The following PCDHGA2 variants were observed in gnomAD, a reference collection of about 807,000 sequenced individuals.
PCDHGA2 encodes protocadherin gamma-A2.
PCDHGA2 carries 40 observed loss-of-function variants against 59.2 expected under a neutral mutation model. That is an observed-to-expected ratio of 0.68 (90% CI 0.52 to 0.88). The LOEUF (loss-of-function observed/expected upper bound fraction) is 0.88. Ranked by LOEUF, PCDHGA2 falls within the 40% of genes least tolerant of loss-of-function variation. PCDHGA2 has a pLI of 0.00. For missense variants in PCDHGA2, 1,226 were observed against 1,204.0 expected (o/e 1.02, Z -0.27); for synonymous variants, 560 against 526.0 (o/e 1.06, Z -0.89).
At chr5:141,421,535 G>GT (rs975619932) in intron 1 of PCDHGA2, 8 of 1,614,032 alleles carry the variant, frequency 5.0e-6, no homozygotes, top group Non-Finnish European at 6.8e-6. Flanking sequence ...GTGTCCTCCT[G>GT]TTTTTTAAAT....
intron 1 of PCDHGA2, chr5:141,415,794 A>G: frequency 1.5e-6 from 2 of 1,366,408 alleles, no homozygotes; most frequent in Non-Finnish European, 1.9e-6. Context: ...AAATTCACCT[A>G]GTCTCAATCA....
At chr5:141,385,137 G>A in intron 1 of PCDHGA2, 1 of 1,614,232 alleles carries the variant, frequency 6.2e-7, no homozygotes, top group Non-Finnish European at 8.5e-7. Context: ...TGGACGGGGT[G>A]CAGGCTTTCC....
At chr5:141,455,583 A>G (rs1485134189) in intron 1 of PCDHGA2, among the ~76,000 whole-genome samples, 4 of 152,144 alleles carry the variant, frequency 2.6e-5, no homozygotes, top group Non-Finnish European at 2.9e-5. Context: ...CCAGCCTTTT[A>G]ATATGCAAAC....
intron 1 of PCDHGA2, chr5:141,415,347 C>T (rs1369709460): frequency 1.9e-6 from 3 of 1,614,120 alleles, no homozygotes; most frequent in Non-Finnish European, 2.5e-6. Context: ...GGCGCTGGCA[C>T]AAGTCACGCC....
intron 1 of PCDHGA2, among the ~76,000 whole-genome samples, chr5:141,347,268 C>T (rs1757943776): frequency 2.6e-5 from 4 of 151,850 alleles, no homozygotes; most frequent in Admixed American, 2.6e-4. Context: ...ATCCTCCCAC[C>T]TCAGCCTCCC....
chr5:141,501,475 G>A (rs1305778190), intron 2 of PCDHGA2, among the ~76,000 whole-genome samples: 5 of 152,014 alleles, frequency 3.3e-5, no homozygotes, highest in Admixed American at 3.3e-4. Flanking sequence ...AATCCTGGAA[G>A]AGTCCCTCAT....
intron 1 of PCDHGA2, chr5:141,361,248 G>T (rs376049174): frequency 6.2e-7 from 1 of 1,613,958 alleles, no homozygotes; most frequent in Non-Finnish European, 8.5e-7. Flanking sequence ...TGATAAAAAC[G>T]AGAGACAGAG....
chr5:141,470,828 C>A (rs1328067769), intron 1 of PCDHGA2, among the ~76,000 whole-genome samples: 1 of 151,994 alleles, frequency 6.6e-6, no homozygotes, highest in Non-Finnish European at 1.5e-5. Flanking sequence ...GTTAGGACGA[C>A]AAACACACGC....
intron 1 of PCDHGA2, chr5:141,366,561 A>G (rs903477065): frequency 3.1e-6 from 5 of 1,614,210 alleles, no homozygotes; most frequent in Admixed American, 1.7e-5. Context: ...GTGGGCGTGG[A>G]TGGGGTTCGG....
rs757911282 is a variant in PCDHGA2, at chr5:141,339,666, T to A, written c.695T>A (p.Val232Asp). 3.1e-6 allele frequency: 5 copies of A among 1,613,982 alleles called. No individual in the cohort carries two copies. The African/African-American group carries it at 5.3e-5, about 17-fold the overall frequency. The change falls in exon 1 of 4, where the codon GTC becomes GAC. Residue 232 changes from valine (V) to aspartate (D), a missense_variant. By Grantham distance (152) the Val-to-Asp change is radical. Coordinates refer to ENST00000394576, the MANE Select transcript of PCDHGA2 (RefSeq NM_018915.4). ...GGCACCTCCCGCATCTGCGTGAAGG[T>A]CCTGGATGCGAACGACAATGCGCCT... ...LSGTSRICVKVLDANDNAPVF... is the reference protein window; with the variant it reads ...LSGTSRICVKDLDANDNAPVF...
Position 141,431,046 on chromosome 5 carries a change from G to A in PCDHGA2, c.2425-63761G>A, listed in dbSNP as rs1324139757. 7 of 1,614,240 alleles carry A rather than the reference G, an allele frequency of 4.3e-6. 1 individual carries two copies. The Admixed American group carries it at 1.0e-4, about 23-fold the overall frequency. ...GGCAGGATAGACCGGGAGGAGCTCTGTATGGGGGCCATCAAGTGTCAATTA... is the reference window on the plus strand; with the variant it reads ...GGCAGGATAGACCGGGAGGAGCTCTATATGGGGGCCATCAAGTGTCAATTA... On this transcript the variant is annotated intron_variant, in intron 1 of 3. Transcript: ENST00000394576. The surrounding 1 kb of genome is among the most constrained non-coding windows in gnomAD (Gnocchi z 4.8).
intron 1 of PCDHGA2, among the ~76,000 whole-genome samples, chr5:141,457,477 C>A (rs964080100): frequency 2.0e-5 from 3 of 152,134 alleles, no homozygotes; most frequent in African/African-American, 7.2e-5. Context: ...TAAGCAGGGC[C>A]AGGGTTAGTC....
Position 141,376,335 on chromosome 5 carries a change from A to G in PCDHGA2, c.2424+34940A>G, listed in dbSNP as rs754863044. On this transcript the variant is annotated intron_variant, in intron 1 of 3. Coordinates refer to ENST00000394576, the MANE Select transcript of PCDHGA2 (RefSeq NM_018915.4). ...GTGGAAGGGGTTCGGGCTTTCCTGCAGACCTATTCCCACGAGGTCTCACTC... is the reference window on the plus strand; with the variant it reads ...GTGGAAGGGGTTCGGGCTTTCCTGCGGACCTATTCCCACGAGGTCTCACTC... 9 of 1,614,080 alleles carry G rather than the reference A, an allele frequency of 5.6e-6. No individual in the cohort carries two copies. The East Asian group carries it at 6.7e-5, about 12-fold the overall frequency.
chr5:141,357,326 C>A (rs751525269), intron 1 of PCDHGA2: 6 of 1,613,964 alleles, frequency 3.7e-6, no homozygotes, highest in East Asian at 4.5e-5. Flanking sequence ...GCTTTTGTCA[C>A]GGTGCTGCTA....
chr5:141,434,714 G>A (rs1333237898), intron 1 of PCDHGA2, among the ~76,000 whole-genome samples: 1 of 151,564 alleles, frequency 6.6e-6, no homozygotes, highest in Non-Finnish European at 1.5e-5. Context: ...GTAAATCTCT[G>A]TTCAGGGCTC....
chr5:141,383,727 A>G, intron 1 of PCDHGA2: 1 of 1,614,016 alleles, frequency 6.2e-7, no homozygotes, highest in South Asian at 1.1e-5. Flanking sequence ...TCAATGGGGA[A>G]GTGACATATT....
intron 1 of PCDHGA2, chr5:141,414,145 C>T (rs1157390595): frequency 6.3e-7 from 1 of 1,597,566 alleles, no homozygotes; most frequent in Non-Finnish European, 8.5e-7. Context: ...AATAGAAATA[C>T]AAGCAGAAGA....
chr5:141,414,843 G>T (rs2095794241), intron 1 of PCDHGA2: 1 of 1,614,100 alleles, frequency 6.2e-7, no homozygotes, highest in Admixed American at 1.7e-5. Context: ...GCCTGTTTGT[G>T]CTGGACCAGA....
At chr5:141,446,020 T>C (rs1226676321) in intron 1 of PCDHGA2, among the ~76,000 whole-genome samples, 1 of 152,180 alleles carries the variant, frequency 6.6e-6, no homozygotes, top group African/African-American at 2.4e-5. Context: ...ACTATGGCAA[T>C]ATTCCTGGTA....
Sources: gnomAD v4.1 joint callset for allele counts (sites outside exome capture counted in the v4.1 genomes callset) on GRCh38, gnomAD v4.1.1 for gene constraint, Gnocchi (gnomAD v3.1) non-coding constraint, MANE v1.5 for transcripts, NCBI Gene and HGNC (gene_info 2026-07-23, HGNC 2026-07-21) for gene names.